Variants in TLE4 observed in about 807,000 individuals in gnomAD.
TLE4 encodes the protein TLE family member 4, transcriptional corepressor.
TLE4 carries 8 observed loss-of-function variants against 92.8 expected under a neutral mutation model. The ratio of observed to expected loss-of-function variants is 0.09; its 90% CI spans 0.05 to 0.16. The LOEUF is 0.16. TLE4 is among the 10% of genes least tolerant of loss of function. The pLI is 1.00. For synonymous variants in TLE4, 371 were observed against 374.1 expected (o/e 0.99, Z 0.10); for missense variants, 675 against 997.6 (o/e 0.68, Z 4.36).
chr9:79,712,654 G>A (rs1189223305), intron 14 of TLE4, among the ~76,000 whole-genome samples: 2 of 152,148 alleles, frequency 1.3e-5, no homozygotes, highest in Admixed American at 6.6e-5. Flanking sequence ...TAATAAAATG[G>A]TGTTTATTGT....
intron 8 of TLE4, among the ~76,000 whole-genome samples, chr9:79,667,198 G>A (rs181035248): frequency 1.3e-5 from 2 of 152,276 alleles, no homozygotes; most frequent in East Asian, 3.9e-4. Context: ...TGGGGTGTTA[G>A]GGCAGGGAAT....
At chr9:79,669,211 G>A (rs1217682339) in intron 8 of TLE4, among the ~76,000 whole-genome samples, 2 of 152,108 alleles carry the variant, frequency 1.3e-5, no homozygotes, top group Non-Finnish European at 2.9e-5. Flanking sequence ...ATGGTCAGTG[G>A]AGGTGGTTAG....
At chr9:79,622,630 T>G (rs545247660) in intron 5 of TLE4, among the ~76,000 whole-genome samples, 1 of 152,234 alleles carries the variant, frequency 6.6e-6, no homozygotes. Flanking sequence ...CTGACTGTTT[T>G]CCTTGATAGA....
rs1228768044 is a variant in TLE4 at position 79,572,312 on chromosome 9, G to C, written c.-479G>C. The stretch of plus-strand genomic sequence containing the variant: ...CCTCTTCCGAACCAAAGGAGTTTGT[G>C]TTTGCTTTTAGGGAAGAAGAAAGAT... On this transcript the variant is annotated 5_prime_UTR_variant, in exon 1 of 20. Coordinates refer to ENST00000376552, the MANE Select transcript of TLE4 (RefSeq NM_007005.6). 6.6e-6 allele frequency: 1 copy of C among 152,134 alleles called. No individual in the cohort carries two copies. The highest frequency in any genetic ancestry group is 2.4e-5 in the African/African-American group (1 of 41,438). 9.4% of individuals were successfully genotyped at this position (152,134 alleles called of 1,614,324 possible). A position where few individuals can be genotyped will look rare whatever the true frequency, so the allele number is the denominator to read the frequency against.
At chr9:79,685,414 G>A (rs891895886) in intron 8 of TLE4, among the ~76,000 whole-genome samples, 3 of 152,090 alleles carry the variant, frequency 2.0e-5, no homozygotes, top group African/African-American at 7.2e-5. Flanking sequence ...CTCACATGAT[G>A]TTTTTAAAAC....
At chr9:79,641,138 G>A (rs1347260441) in intron 6 of TLE4, among the ~76,000 whole-genome samples, 1 of 148,220 alleles carries the variant, frequency 6.7e-6, no homozygotes, top group East Asian at 2.0e-4. Context: ...AAAACAGGAA[G>A]AATCTTTTTT....
intron 8 of TLE4, among the ~76,000 whole-genome samples, chr9:79,666,594 G>A (rs958294764): frequency 6.6e-6 from 1 of 152,120 alleles, no homozygotes; most frequent in African/African-American, 2.4e-5. Context: ...TATGTACTAG[G>A]CTGGTAAATA....
chr9:79,649,751 A>C, intron 6 of TLE4: 2 of 1,289,450 alleles, frequency 1.6e-6, no homozygotes, highest in Non-Finnish European at 2.1e-6. Context: ...ATGTATAACT[A>C]TGATTTCTGC....
At chr9:79,720,021 C>G (rs778038494) in intron 15 of TLE4, 25 bp from the exon 16 acceptor site, 2 of 1,582,924 alleles carry the variant, frequency 1.3e-6, no homozygotes, top group Admixed American at 3.4e-5. Flanking sequence ...CATGAGTAAT[C>G]TCTTGATGGT....
intron 11 of TLE4, chr9:79,707,267 G>C (rs367883549): frequency 1.0e-4 from 149 of 1,455,600 alleles, no homozygotes; most frequent in Non-Finnish European, 1.4e-4. Flanking sequence ...AGCTTTGTTT[G>C]AATTACCAAG....
chr9:79,643,542 T>C lies in TLE4; in HGVS notation c.391-9051T>C, dbSNP rs565037778. ...ATCACAGTGTCCGAAAGCATTTTGC[T>C]TTTTAAGATATTGGCATTTTGAAGA... On this transcript the variant is annotated intron_variant, in intron 6 of 19. Coordinates refer to ENST00000376552, the MANE Select transcript of TLE4 (RefSeq NM_007005.6). 6.3e-4 allele frequency among the ~76,000 whole-genome samples: 96 copies of C among 152,354 alleles called. 1 individual carries two copies. In the South Asian group the frequency reaches 0.019, roughly 31 times the overall value.
At chr9:79,709,755 G>T (rs2072737926) in intron 14 of TLE4, 56 bp downstream of exon 14, 1 of 1,508,378 alleles carries the variant, frequency 6.6e-7, no homozygotes, top group Non-Finnish European at 9.2e-7. Context: ...TCCCTTGCTG[G>T]CCCCGTAGAC....
At chr9:79,628,582 AAAAAAAAACCAAAAAAAC>A (rs1003883909) in intron 6 of TLE4, among the ~76,000 whole-genome samples, 18 of 150,654 alleles carry the variant, frequency 1.2e-4, no homozygotes, top group African/African-American at 3.2e-4. Context: ...CCTCTGACCA[AAAAAAAAACCAAAAAAAC>A]AAAAAAAACC....
intron 8 of TLE4, among the ~76,000 whole-genome samples, chr9:79,682,814 A>G (rs1263050022): frequency 3.3e-5 from 5 of 152,216 alleles, no homozygotes; most frequent in Non-Finnish European, 1.5e-5. Context: ...GCCCACAGCC[A>G]TTATCTCACC....
chr9:79,674,622 A>G (rs2062958447), intron 8 of TLE4, among the ~76,000 whole-genome samples: 1 of 152,176 alleles, frequency 6.6e-6, no homozygotes, highest in African/African-American at 2.4e-5. Context: ...TATTTGTAGT[A>G]GTGCTGTTGT....
chr9:79,697,299 A>G (rs1471640077), intron 8 of TLE4, among the ~76,000 whole-genome samples: 1 of 152,184 alleles, frequency 6.6e-6, no homozygotes, highest in Non-Finnish European at 1.5e-5. Flanking sequence ...GGCAATTTTT[A>G]TTACAATTTC....
chr9:79,572,195 G>C lies in TLE4; in HGVS notation c.-596G>C, dbSNP rs1321710493. The C allele has an allele frequency of 6.6e-6, 1 of 151,938 alleles. No homozygotes were observed. The highest frequency in any genetic ancestry group is 1.5e-5 in the Non-Finnish European group (1 of 67,996). 9.4% of individuals were successfully genotyped at this position (151,938 alleles called of 1,614,324 possible). On this transcript the variant is annotated 5_prime_UTR_variant, in exon 1 of 20. Transcript: ENST00000376552. ...GGAAGGAAGAGAAATAAGGAAATGA[G>C]ATGTGGTAAAAGAAGCTAAAAGGTG...
intron 4 of TLE4, among the ~76,000 whole-genome samples, chr9:79,609,312 C>T (rs528958891): frequency 2.6e-5 from 4 of 152,176 alleles, no homozygotes; most frequent in South Asian, 4.1e-4. Flanking sequence ...GTGTTGAGTG[C>T]GTAGCCAAGG....
At chr9:79,674,608 T>C (rs1241722661) in intron 8 of TLE4, among the ~76,000 whole-genome samples, 1 of 152,202 alleles carries the variant, frequency 6.6e-6, no homozygotes, top group Non-Finnish European at 1.5e-5. Context: ...ATTTTGTATA[T>C]GTGTATTTGT....
Sources: allele counts gnomAD v4.1 joint callset (sites outside exome capture counted in the v4.1 genomes callset), GRCh38; gene constraint gnomAD v4.1.1; transcripts MANE v1.5; gene names NCBI Gene and HGNC (gene_info 2026-07-23, HGNC 2026-07-21).